FAM98A: variants seen among roughly 807,000 people sequenced by gnomAD.
The protein encoded by FAM98A is tRNA splicing ligase complex subunit 3A.
A neutral mutation model predicts 62.9 loss-of-function variants in FAM98A; 25 were observed. That is an observed-to-expected ratio of 0.40 (90% CI 0.29 to 0.56). The LOEUF is 0.56. FAM98A is among the 20% of genes least tolerant of loss of function. The pLI is 0.51. For missense variants in FAM98A, 653 were observed against 640.7 expected (o/e 1.02, Z -0.21); for synonymous variants, 252 against 228.6 (o/e 1.10, Z -0.92).
chr2:33,584,804 A>G lies in FAM98A; in HGVS notation c.1529T>C (p.Phe510Ser). ...HGGYQYNHSGFGQGRHYTS is the reference protein window; with the variant it reads ...HGGYQYNHSGSGQGRHYTS ...ACTAGTGTAATGTCTTCCCTGTCCAAATCCAGAATGATTATACTGATAACC... is the reference window on the plus strand; with the variant it reads ...ACTAGTGTAATGTCTTCCCTGTCCAGATCCAGAATGATTATACTGATAACC... Residue 510 changes from phenylalanine to serine, a missense_variant, in exon 8 of 8, where the codon TTT becomes TCT. By Grantham distance (155) the Phe-to-Ser change is radical. Coordinates refer to ENST00000238823, the MANE Select transcript of FAM98A (RefSeq NM_015475.5). 1 of 1,609,238 alleles carries G rather than the reference A, an allele frequency of 6.2e-7. No homozygotes were observed. The highest frequency in any genetic ancestry group is 1.1e-5 in the South Asian group (1 of 90,916).
intron 1 of FAM98A, among the ~76,000 whole-genome samples, chr2:33,598,056 C>G (rs561831051): frequency 3.3e-5 from 5 of 152,224 alleles, no homozygotes; most frequent in African/African-American, 1.2e-4. Flanking sequence ...AGCAAGTTTC[C>G]AAGAAAAGAA....
Position 33,584,594 on chromosome 2 carries a change from C to T in FAM98A, c.*182G>A. 1 of 578,572 alleles carries T rather than the reference C, an allele frequency of 1.7e-6. No homozygotes were observed. The highest frequency in any genetic ancestry group is 3.0e-6 in the Non-Finnish European group (1 of 331,994). 35.8% of individuals were successfully genotyped at this position (578,572 alleles called of 1,614,324 possible). A position where few individuals can be genotyped will look rare whatever the true frequency, so the allele number is the denominator to read the frequency against. On this transcript the variant is annotated 3_prime_UTR_variant, in exon 8 of 8. Coordinates refer to ENST00000238823, the MANE Select transcript of FAM98A (RefSeq NM_015475.5). Reference sequence around the variant, plus strand: ...TGTTATGTGTTTCTCAAATAAACGGCATTATGTAAGTCCAATAAAAAAATC... The same window carrying T: ...TGTTATGTGTTTCTCAAATAAACGGTATTATGTAAGTCCAATAAAAAAATC...
rs1351507373 is a variant in FAM98A, at chr2:33,584,763, A to G, written c.*13T>C. On this transcript the variant is annotated 3_prime_UTR_variant, in exon 8 of 8. Transcript: ENST00000238823. ...ATTACTTGAGCTCTAGCAAAATGTA[A>G]GGTTCGGTAGCCTCAACTAGTGTAA... 1.3e-6 allele frequency: 2 copies of G among 1,562,280 alleles called. No homozygotes were observed. The highest frequency in any genetic ancestry group is 2.7e-5 in the African/African-American group (2 of 73,296).
intron 3 of FAM98A, among the ~76,000 whole-genome samples, chr2:33,590,238 G>C (rs966324382): frequency 2.6e-5 from 4 of 151,988 alleles, no homozygotes; most frequent in Non-Finnish European, 4.4e-5. Context: ...ACCATAAAAG[G>C]CCAATGAAGA....
rs764572522 is a variant in FAM98A, at chr2:33,592,072, G to C, written c.337+8C>G. 1 of 1,611,092 alleles carries C rather than the reference G, an allele frequency of 6.2e-7. No individual in the cohort carries two copies. Among genetic ancestry groups the C allele is most frequent in the Non-Finnish European group, 8.5e-7 (1 of 1,178,000 alleles). ...GTAATAGCTATATTCTAGTAGCCAT[G>C]AACTTACTGAGCAAGAGGAGGCAGT... On this transcript the variant is annotated splice_region_variant and intron_variant, in intron 3 of 7. Coordinates refer to ENST00000238823, the MANE Select transcript of FAM98A (RefSeq NM_015475.5).
chr2:33,586,960 A>C (rs1202546684), intron 5 of FAM98A: 2 of 515,692 alleles, frequency 3.9e-6, no homozygotes, highest in East Asian at 6.1e-5. Context: ...GCTTGAAGGC[A>C]ATCCATTTGG....
intron 4 of FAM98A, 192 bp from the exon 5 acceptor site, chr2:33,587,512 AG>A (rs1301338533): frequency 1.8e-6 from 1 of 568,872 alleles, no homozygotes; most frequent in Non-Finnish European, 3.1e-6. Flanking sequence ...CGCCTACAGA[AG>A]TCCTTCATTG....
At position 33,584,695 on chromosome 2, in the gene FAM98A, T is replaced by G; in HGVS notation, c.*81A>C. On this transcript the variant is annotated 3_prime_UTR_variant, in exon 8 of 8. Coordinates refer to ENST00000238823, the MANE Select transcript of FAM98A (RefSeq NM_015475.5). ...CCTGCCACCTGTGGTCTCACATTAA[T>G]TCAAAATAGGTGCTGAATTCAGGAT... 1 of 1,288,370 alleles carries G rather than the reference T, an allele frequency of 7.8e-7. No homozygotes were observed. Among genetic ancestry groups the G allele is most frequent in the Admixed American group, 2.2e-5 (1 of 45,096 alleles). The allele number at this position is 1,288,370 out of a possible 1,614,324, so 79.8% of individuals were successfully genotyped here. A position where few individuals can be genotyped will look rare whatever the true frequency, so the allele number is the denominator to read the frequency against.
At chr2:33,593,088 C>T (rs1031377031) in intron 2 of FAM98A, among the ~76,000 whole-genome samples, 2 of 152,182 alleles carry the variant, frequency 1.3e-5, no homozygotes, top group African/African-American at 4.8e-5. Flanking sequence ...TCTCTGTGAA[C>T]CACAAAGTGG....
At chr2:33,594,171 T>C (rs565561708) in intron 2 of FAM98A, among the ~76,000 whole-genome samples, 8 of 152,292 alleles carry the variant, frequency 5.3e-5, no homozygotes, top group African/African-American at 1.7e-4. Flanking sequence ...TAGAACATAG[T>C]GAGTACACAA....
At chr2:33,586,508 G>A in intron 6 of FAM98A, 54 bp downstream of exon 6, 1 of 1,188,756 alleles carries the variant, frequency 8.4e-7, no homozygotes, top group East Asian at 2.3e-5. Context: ...TTGTTTAGAT[G>A]TTCAGGGATC....
rs1008004555 is a variant in FAM98A, at chr2:33,595,753, ACTTAT to A, written c.54-121_54-117del. 5.7e-5 allele frequency: 38 copies of A among 665,298 alleles called. No homozygotes were observed. The African/African-American group carries it at 6.1e-4, about 11-fold the overall frequency. The allele number at this position is 665,298 out of a possible 1,614,324, so 41.2% of individuals were successfully genotyped here. A position where few individuals can be genotyped will look rare whatever the true frequency, so the allele number is the denominator to read the frequency against. On this transcript the variant is annotated intron_variant, in intron 1 of 7. Coordinates refer to ENST00000238823, the MANE Select transcript of FAM98A (RefSeq NM_015475.5). The stretch of plus-strand genomic sequence containing the variant: ...AATAATTTAATAAAGATAAGTTAGT[ACTTAT>A]CTTTATTTTAAATGGACAAATATAA...
rs185325771 is a variant in FAM98A, at chr2:33,588,678, A to G, written c.338-159T>C. The G allele has an allele frequency of 6.3e-6, 3 of 473,764 alleles. No individual in the cohort carries two copies. In the East Asian group the frequency reaches 9.3e-5, roughly 15 times the overall value. 29.3% of individuals were successfully genotyped at this position (473,764 alleles called of 1,614,324 possible). ...AACTACTTTTACCTGCAAATGAAATAAGAAATAAACTGGTTATGTAATTCA... is the reference window on the plus strand; with the variant it reads ...AACTACTTTTACCTGCAAATGAAATGAGAAATAAACTGGTTATGTAATTCA... On this transcript the variant is annotated intron_variant, in intron 3 of 7. Transcript: ENST00000238823.
Position 33,586,631 on chromosome 2 carries a change from G to A in FAM98A, c.651C>T (p.Val217=). ...INQAIANEYE[V]RRKLLIKRLD... ...AACGTTTTATTAGCAGCTTTCTCCG[G>A]ACTTCATATTCATTGGCTATGGCTT... Residue 217 remains valine, a synonymous_variant, in exon 6 of 8, where the codon GTC becomes GTT. Coordinates refer to ENST00000238823, the MANE Select transcript of FAM98A (RefSeq NM_015475.5). 6.2e-7 allele frequency: 1 copy of A among 1,613,846 alleles called. No homozygotes were observed.
In FAM98A at chr2:33,585,094, G is replaced by GTGGCCACCATGA; in HGVS notation, c.1227_1238dup (p.His410_His413dup). ...CTCCGCCTTGATAGCCACCACTGCT[G>GTGGCCACCATGA]TGGCCACCATGATAGCCACCTGGCT... On this transcript the variant is annotated inframe_insertion, in exon 8 of 8. Transcript: ENST00000238823. 6.2e-7 allele frequency: 1 copy of GTGGCCACCATGA among 1,614,146 alleles called. No individual in the cohort carries two copies. The highest frequency in any genetic ancestry group is 8.5e-7 in the Non-Finnish European group (1 of 1,180,026).
chr2:33,591,096 C>A (rs1281650825), intron 3 of FAM98A, among the ~76,000 whole-genome samples: 2 of 152,050 alleles, frequency 1.3e-5, no homozygotes, highest in South Asian at 2.1e-4. Context: ...CCTAACCTTA[C>A]GTGCACATTC....
In FAM98A at chr2:33,585,397, G is replaced by T. The variant is rs781250614; in HGVS notation, c.936C>A (p.Ile312=). ...VPDRGGRPNE[I]EPPPPEMPPW... ...GTGGCATCTCTGGGGGTGGAGGTTC[G>T]ATTTCATTGGGTCTACCACCTCTGT... The change falls in exon 8 of 8, where the codon ATC becomes ATA. Residue 312 remains isoleucine, a synonymous_variant. Transcript: ENST00000238823. 1 of 1,614,090 alleles carries T rather than the reference G, an allele frequency of 6.2e-7. No individual in the cohort carries two copies. Among genetic ancestry groups the T allele is most frequent in the Non-Finnish European group, 8.5e-7 (1 of 1,180,018 alleles).
At position 33,599,258 on chromosome 2, in the gene FAM98A, C is replaced by T. The variant is rs1220556347; in HGVS notation, c.-37G>A. On this transcript the variant is annotated 5_prime_UTR_variant, in exon 1 of 8. Coordinates refer to ENST00000238823, the MANE Select transcript of FAM98A (RefSeq NM_015475.5). ...ATTCAAATTTCCGAGTCGTCAGGCT[C>T]CCCTCTTCGCCGGCAACGCGTACAC... is the stretch of plus-strand genomic sequence containing the variant. 6 of 1,571,460 alleles carry T rather than the reference C, an allele frequency of 3.8e-6. No individual in the cohort carries two copies. The highest frequency in any genetic ancestry group is 1.3e-5 in the African/African-American group (1 of 74,130).
In FAM98A at chr2:33,584,277, C is replaced by G. The variant is rs1331628454; in HGVS notation, c.*499G>C. On this transcript the variant is annotated 3_prime_UTR_variant, in exon 8 of 8. Transcript: ENST00000238823. The stretch of plus-strand genomic sequence containing the variant: ...CCTAAAAGTTCCATCATGAAGCACA[C>G]GTGGCATAAAAGTCAACCGGGGGGC... The G allele has an allele frequency of 6.4e-6, 1 of 156,774 alleles. No individual in the cohort carries two copies. The highest frequency in any genetic ancestry group is 1.4e-5 in the Non-Finnish European group (1 of 70,626). The allele number at this position is 156,774 out of a possible 1,614,324, so 9.7% of individuals were successfully genotyped here.
Sources: allele counts gnomAD v4.1 joint callset (sites outside exome capture counted in the v4.1 genomes callset), GRCh38; gene constraint gnomAD v4.1.1; transcripts MANE v1.5; gene names NCBI Gene and HGNC (gene_info 2026-07-23, HGNC 2026-07-21).